MUC7: variants seen among roughly 807,000 people sequenced by gnomAD.
MUC7 encodes the protein mucin-7.
In MUC7, 2 loss-of-function variants were observed where a neutral mutation model predicts 2.5. The ratio of observed to expected loss-of-function variants is 0.81; its 90% CI spans 0.33 to 2.55. MUC7 has a LOEUF of 2.55. Among genes scored for constraint, MUC7 ranks in the 30% most tolerant of loss-of-function variants. MUC7 has a pLI of 0.11. For synonymous variants in MUC7, 133 were observed against 173.4 expected (o/e 0.77, Z 1.83); for missense variants, 408 against 455.6 (o/e 0.90, Z 0.95).
intron 1 of MUC7, among the ~76,000 whole-genome samples, chr4:70,473,518 G>T (rs1257116840): frequency 6.6e-6 from 1 of 151,942 alleles, no homozygotes; most frequent in Non-Finnish European, 1.5e-5. Context: ...TGGAGGAAGA[G>T]TCCATTTGAC....
intron 1 of MUC7, among the ~76,000 whole-genome samples, chr4:70,460,810 G>A (rs994949763): frequency 2.0e-5 from 3 of 152,184 alleles, no homozygotes; most frequent in African/African-American, 7.2e-5. Flanking sequence ...TATGGGGGCT[G>A]TGGTTCCCAG....
chr4:70,434,162 C>A (rs948861166), intron 1 of MUC7, among the ~76,000 whole-genome samples: 1 of 151,914 alleles, frequency 6.6e-6, no homozygotes, highest in African/African-American at 2.4e-5. Flanking sequence ...TGTTCATTAG[C>A]AAAACTGGCC....
chr4:70,446,531 C>A (rs1250833311), intron 1 of MUC7, among the ~76,000 whole-genome samples: 1 of 152,158 alleles, frequency 6.6e-6, no homozygotes, highest in Non-Finnish European at 1.5e-5. Context: ...CTTCATGTGA[C>A]CATCTTCTTA....
chr4:70,443,568 G>A (rs1487808886), intron 1 of MUC7, among the ~76,000 whole-genome samples: 1 of 152,060 alleles, frequency 6.6e-6, no homozygotes, highest in African/African-American at 2.4e-5. Flanking sequence ...GGTCAGCTTC[G>A]AAGCAAGTCA....
chr4:70,433,415 G>T (rs1420639578), intron 1 of MUC7, among the ~76,000 whole-genome samples: 10 of 152,104 alleles, frequency 6.6e-5, no homozygotes, highest in Admixed American at 6.6e-4. Context: ...TTGAGCAGTG[G>T]TTTGTAGTTC....
intron 1 of MUC7, among the ~76,000 whole-genome samples, chr4:70,431,884 C>T (rs185376524): frequency 7.4e-4 from 113 of 152,180 alleles, no homozygotes; most frequent in African/African-American, 2.6e-3. Context: ...TCTCCTAATG[C>T]TATCCCTCCC....
rs1733725256 is a variant in MUC7 at position 70,433,112 on chromosome 4, A to ATGC, written c.-93+2428_-93+2430dup. Among the ~76,000 whole-genome samples, 3 of 152,326 alleles carry ATGC rather than the reference A, an allele frequency of 2.0e-5. No homozygotes were observed. In the East Asian group the frequency reaches 5.8e-4, roughly 29 times the overall value. On this transcript the variant is annotated intron_variant, in intron 1 of 3. Coordinates refer to the MUC7 transcript ENST00000413702. ...ATATATCTGTTTTGGTACCAGTACC[A>ATGC]TGCTGTTTTGGTTACTGTAGCCTTG...
chr4:70,474,112 T>C (rs1211190248), intron 2 of MUC7, 37 bp downstream of exon 2: 2 of 1,573,416 alleles, frequency 1.3e-6, no homozygotes, highest in South Asian at 1.1e-5. Context: ...TCCTTAACTA[T>C]CAATAACAAA....
chr4:70,431,561 T>A (rs1010567587), intron 1 of MUC7, among the ~76,000 whole-genome samples: 2 of 152,104 alleles, frequency 1.3e-5, no homozygotes, highest in African/African-American at 4.8e-5. Context: ...CTGAAACTGT[T>A]TCCAGATCAA....
intron 1 of MUC7, among the ~76,000 whole-genome samples, chr4:70,464,514 C>T (rs2332064): frequency 0.18 from 28,122 of 152,064 alleles, 2,971 homozygotes; most frequent in African/African-American, 0.27. Context: ...ATTCTCGCTG[C>T]GAGCACAACA....
chr4:70,453,213 G>A (rs1250888886), intron 1 of MUC7, among the ~76,000 whole-genome samples: 1 of 152,174 alleles, frequency 6.6e-6, no homozygotes, highest in Non-Finnish European at 1.5e-5. Context: ...CTTCCTTTCA[G>A]GACAGCCAGT....
chr4:70,447,968 C>T (rs987214815), intron 1 of MUC7, among the ~76,000 whole-genome samples: 3 of 152,138 alleles, frequency 2.0e-5, no homozygotes, highest in Non-Finnish European at 2.9e-5. Context: ...AATAACAATG[C>T]TTCTACTCTC....
chr4:70,447,099 A>G (rs1734163172), intron 1 of MUC7, among the ~76,000 whole-genome samples: 1 of 152,174 alleles, frequency 6.6e-6, no homozygotes, highest in Admixed American at 6.6e-5. Flanking sequence ...CCTTTCCAAA[A>G]GTATCACCAA....
At chr4:70,478,753 A>T (rs540837527) in intron 2 of MUC7, among the ~76,000 whole-genome samples, 1 of 152,342 alleles carries the variant, frequency 6.6e-6, no homozygotes, top group South Asian at 2.1e-4. Context: ...TGCATATTCA[A>T]TCTCCAGGGA....
intron 2 of MUC7, 63 bp from the exon 3 acceptor site, chr4:70,480,736 G>A (rs542087820): frequency 3.9e-6 from 6 of 1,545,672 alleles, no homozygotes; most frequent in Admixed American, 1.8e-5. Flanking sequence ...ATGGTCAGCA[G>A]TGATCACCTG....
At chr4:70,454,827 A>G (rs1332766749) in intron 1 of MUC7, among the ~76,000 whole-genome samples, 4 of 152,198 alleles carry the variant, frequency 2.6e-5, no homozygotes, top group Non-Finnish European at 5.9e-5. Context: ...GCATTTCATT[A>G]GAGACTCTAA....
intron 2 of MUC7, among the ~76,000 whole-genome samples, chr4:70,476,945 G>T (rs6846688): frequency 0.26 from 39,774 of 152,074 alleles, 5,457 homozygotes; most frequent in South Asian, 0.39. Context: ...ATGTCCCAAA[G>T]AAAGACTTGA....
chr4:70,476,844 C>T (rs1735020496), intron 2 of MUC7, among the ~76,000 whole-genome samples: 1 of 152,152 alleles, frequency 6.6e-6, no homozygotes, highest in Non-Finnish European at 1.5e-5. Flanking sequence ...CATTAACCCA[C>T]AGCCAGAAAA....
intron 1 of MUC7, among the ~76,000 whole-genome samples, chr4:70,451,151 C>G (rs1054723482): frequency 1.3e-4 from 20 of 152,178 alleles, no homozygotes; most frequent in East Asian, 5.8e-4. Context: ...TCTCCTCTGG[C>G]TAGGGCTGGT....
Sources: allele counts gnomAD v4.1 joint callset (sites outside exome capture counted in the v4.1 genomes callset), GRCh38; gene constraint gnomAD v4.1.1; transcripts MANE v1.5; gene names NCBI Gene and HGNC (gene_info 2026-07-23, HGNC 2026-07-21).